H2BC4: variants seen among roughly 807,000 people sequenced by gnomAD.
H2BC4 encodes H2B clustered histone 4.
H2BC4 carries 10 observed loss-of-function variants against 6.2 expected under a neutral mutation model. That is an observed-to-expected ratio of 1.61 (90% CI 0.99 to 2.73). The LOEUF is 2.73. Among genes scored for constraint, H2BC4 ranks in the 30% most tolerant of loss-of-function variants. H2BC4 has a pLI of 0.00. For synonymous variants in H2BC4, 146 were observed against 70.7 expected (o/e 2.07, Z -5.35); for missense variants, 176 against 168.7 (o/e 1.04, Z -0.24).
chr6:26,123,397 C>T (rs1581412898), downstream of H2BC4: 3 of 1,471,564 alleles, frequency 2.0e-6, no homozygotes, highest in South Asian at 1.4e-5. Context: ...CTCTCCAGTT[C>T]CTATATTCTA....
At chr6:26,123,019 C>A (rs1410937378), downstream of H2BC4, among the ~76,000 whole-genome samples, 1 of 152,170 alleles carries the variant, frequency 6.6e-6, no homozygotes, top group Non-Finnish European at 1.5e-5. Flanking sequence ...AGGGGGAGTC[C>A]TTCCTTAGGC....
intron 1 of H2BC4, among the ~76,000 whole-genome samples, chr6:26,118,218 A>C (rs1014083781): frequency 3.9e-5 from 6 of 152,208 alleles, no homozygotes; most frequent in African/African-American, 1.2e-4. Context: ...GCAAAAAAAA[A>C]AGTTATGAGG....
At chr6:26,121,949 A>T (rs1348726994), downstream of H2BC4, among the ~76,000 whole-genome samples, 1 of 150,618 alleles carries the variant, frequency 6.6e-6, no homozygotes, top group African/African-American at 2.4e-5. Flanking sequence ...GCTACTCCGG[A>T]GGCTGAGGCA....
downstream of H2BC4, chr6:26,123,350 T>C: frequency 8.6e-7 from 1 of 1,168,290 alleles, no homozygotes; most frequent in Admixed American, 2.9e-5. Context: ...TTCAGGACCC[T>C]TTGTCCCTCT....
At chr6:26,123,158 C>G (rs2113798855), downstream of H2BC4, among the ~76,000 whole-genome samples, 2 of 152,320 alleles carry the variant, frequency 1.3e-5, no homozygotes, top group Middle Eastern at 3.4e-3. Flanking sequence ...GAAATTATGA[C>G]ATTACGGCAA....
At chr6:26,117,784 T>G (rs1763442699) in intron 1 of H2BC4, among the ~76,000 whole-genome samples, 1 of 152,146 alleles carries the variant, frequency 6.6e-6, no homozygotes, top group East Asian at 1.9e-4. Context: ...AAAATAGAAA[T>G]GGGAGAAAAA....
downstream of H2BC4, chr6:26,123,282 A>T: frequency 6.1e-6 from 4 of 653,278 alleles, no homozygotes; most frequent in Non-Finnish European, 7.1e-6. Flanking sequence ...TCTCCATTTT[A>T]AATTTAAGCA....
downstream of H2BC4, among the ~76,000 whole-genome samples, chr6:26,120,094 C>T (rs893686379): frequency 1.3e-5 from 2 of 151,908 alleles, no homozygotes; most frequent in Admixed American, 6.6e-5. Context: ...TGTAAGCCAA[C>T]TAAAATTTAA....
downstream of H2BC4, among the ~76,000 whole-genome samples, chr6:26,119,808 CA>C (rs869089024): frequency 3.4e-5 from 3 of 89,372 alleles, no homozygotes; most frequent in South Asian, 2.9e-4. Flanking sequence ...CCAATTTGTC[CA>C]AAAAAAATCT....
In H2BC4 at chr6:26,123,611, G is replaced by A. The variant is rs140650086; in HGVS notation, c.294C>T (p.Ala98=). ...GCTCTCCGGGAAGCAGCAGGCGCAC[G>A]GCCGTCTGGATCTCCCTGGAGGTGA... The part of the protein sequence containing the change: ...STITSREIQT[A]VRLLLPGELA... Residue 98 remains alanine, a synonymous_variant, in exon 1 of 1, where the codon GCC becomes GCT. Coordinates refer to ENST00000396984, the MANE Select transcript of H2BC4 (RefSeq NM_003526.3). 1.6e-4 allele frequency: 263 copies of A among 1,614,258 alleles called. 3 individuals are homozygous for A. The African/African-American group carries it at 2.3e-3, about 14-fold the overall frequency.
chr6:26,123,440 C>G (rs1328444544), downstream of H2BC4: 2 of 1,567,424 alleles, frequency 1.3e-6, no homozygotes, highest in Non-Finnish European at 1.7e-6. Context: ...AATTTGGCGT[C>G]TGGCCACAGC....
chr6:26,118,712 C>A (rs1420777063), downstream of H2BC4, among the ~76,000 whole-genome samples: 1 of 152,162 alleles, frequency 6.6e-6, no homozygotes, highest in Admixed American at 6.5e-5. Flanking sequence ...TTCCAGAATT[C>A]TGGAGGTCTT....
chr6:26,123,693 AAT>A lies in H2BC4; in HGVS notation c.210_211del (p.Phe71Ter). ...GGAAGCCTCGCCCGCGATGCGCTCA[AAT>A]ATGTCGTTAACGAAAGAATTCATGA... On this transcript the variant is annotated frameshift_variant, in exon 1 of 1. Coordinates refer to ENST00000396984, the MANE Select transcript of H2BC4 (RefSeq NM_003526.3). LOFTEE classifies it high-confidence loss of function. 1.2e-6 allele frequency: 2 copies of A among 1,614,232 alleles called. No individual in the cohort carries two copies. The highest frequency in any genetic ancestry group is 1.7e-6 in the Non-Finnish European group (2 of 1,180,040).
downstream of H2BC4, among the ~76,000 whole-genome samples, chr6:26,120,378 GGCAGAGGTT>G (rs1763482777): frequency 6.6e-6 from 1 of 152,024 alleles, no homozygotes; most frequent in Non-Finnish European, 1.5e-5. Context: ...GAACCCTGGA[GGCAGAGGTT>G]GCAGTGAGCC....
At chr6:26,113,942 A>G (rs1561952749), downstream of H2BC4, among the ~76,000 whole-genome samples, 1 of 151,776 alleles carries the variant, frequency 6.6e-6, no homozygotes, top group Non-Finnish European at 1.5e-5. Flanking sequence ...AAGGCCACCA[A>G]TCCTATCCAG....
chr6:26,121,247 CACTG>C (rs1373729334), downstream of H2BC4, among the ~76,000 whole-genome samples: 1 of 152,210 alleles, frequency 6.6e-6, no homozygotes, highest in Non-Finnish European at 1.5e-5. Flanking sequence ...CTGTCCTCTC[CACTG>C]ACTAATCACT....
At chr6:26,113,993 C>CTCTT (rs1372139937), downstream of H2BC4, among the ~76,000 whole-genome samples, 1 of 151,920 alleles carries the variant, frequency 6.6e-6, no homozygotes, top group Non-Finnish European at 1.5e-5. Context: ...CCTTAATTAC[C>CTCTT]TCTTATAAGT....
At chr6:26,114,100 A>G (rs1201385003), downstream of H2BC4, among the ~76,000 whole-genome samples, 4 of 152,082 alleles carry the variant, frequency 2.6e-5, no homozygotes, top group Non-Finnish European at 5.9e-5. Context: ...CACTTTCTCA[A>G]AGAGTAGTTA....
At chr6:26,119,145 CA>C (rs1763465754), downstream of H2BC4, among the ~76,000 whole-genome samples, 1 of 151,662 alleles carries the variant, frequency 6.6e-6, no homozygotes, top group South Asian at 2.1e-4. Context: ...ACAAAGCAGG[CA>C]ATTGTGTTCC....
Sources: gnomAD v4.1 joint callset for allele counts (sites outside exome capture counted in the v4.1 genomes callset) on GRCh38, gnomAD v4.1.1 for gene constraint, MANE v1.5 for transcripts, NCBI Gene and HGNC (gene_info 2026-07-23, HGNC 2026-07-21) for gene names.